Variants in KCTD16 observed in about 807,000 individuals in gnomAD.
KCTD16 encodes the protein BTB/POZ domain-containing protein KCTD16.
KCTD16 carries 13 observed loss-of-function variants against 33.2 expected under a neutral mutation model. The ratio of observed to expected loss-of-function variants is 0.39; its 90% CI spans 0.25 to 0.62. The LOEUF (loss-of-function observed/expected upper bound fraction) is 0.62. KCTD16 is among the 20% of genes least tolerant of loss of function. KCTD16 has a pLI of 0.50. For missense variants in KCTD16, 441 were observed against 525.1 expected, an observed-to-expected ratio of 0.84 and a Z score of 1.57; for synonymous variants, 197 against 195.3, an observed-to-expected ratio of 1.01 and a Z score of -0.07.
At chr5:144,340,867 TG>T (rs200473736) in intron 3 of KCTD16, among the ~76,000 whole-genome samples, 1,558 of 151,902 alleles carry the variant, frequency 0.01, 24 homozygotes, top group African/African-American at 0.034. Flanking sequence ...CTGACCAACA[TG>T]GTGAAACCCC....
rs1229848703 is a variant in KCTD16, at chr5:144,207,538, T to C, written c.824T>C (p.Val275Ala). Residue 275 changes from valine to alanine, a missense_variant, in exon 3 of 4, where the codon GTC becomes GCC. Physicochemically the swap from Val to Ala is moderately conservative, Grantham distance 64 (BLOSUM62 0). This residue lies in a region of KCTD16 where 355 missense variants were observed against 413.0 expected (regional missense o/e 0.86). Coordinates refer to ENST00000512467, the MANE Select transcript of KCTD16 (RefSeq NM_020768.4). ...ATCTGGTCAAGCTACACTGAATATG[T>C]CTTCTACCGTAAGTACAAAGGGTTG... ...DKIWSSYTEYVFYREPSRWSP... is the reference protein window; with the variant it reads ...DKIWSSYTEYAFYREPSRWSP... 1.2e-6 allele frequency: 2 copies of C among 1,608,582 alleles called. No homozygotes were observed. The highest frequency in any genetic ancestry group is 4.5e-5 in the East Asian group (2 of 44,820).
intron 3 of KCTD16, among the ~76,000 whole-genome samples, chr5:144,366,653 C>A (rs933308143): frequency 2.0e-5 from 3 of 152,048 alleles, no homozygotes; most frequent in Admixed American, 6.6e-5. Flanking sequence ...AAGCATAATC[C>A]CTGGGGTCTG....
chr5:144,234,365 T>TA (rs1561538187), intron 3 of KCTD16, among the ~76,000 whole-genome samples: 1 of 152,154 alleles, frequency 6.6e-6, no homozygotes, highest in African/African-American at 2.4e-5. Context: ...TCACACATTT[T>TA]AAAAAATTCA....
chr5:144,247,847 A>G (rs1183578667), intron 3 of KCTD16, among the ~76,000 whole-genome samples: 1 of 152,102 alleles, frequency 6.6e-6, no homozygotes, highest in Non-Finnish European at 1.5e-5. Context: ...CTCTCTCAGG[A>G]CTTCCTCCTA....
At chr5:144,392,780 T>C (rs1752479068) in intron 3 of KCTD16, among the ~76,000 whole-genome samples, 1 of 152,198 alleles carries the variant, frequency 6.6e-6, no homozygotes, top group African/African-American at 2.4e-5. Flanking sequence ...AAATGAGTGA[T>C]TTGCTGTGTT....
chr5:144,278,707 C>G (rs1755512571), intron 3 of KCTD16, among the ~76,000 whole-genome samples: 1 of 151,748 alleles, frequency 6.6e-6, no homozygotes, highest in South Asian at 2.1e-4. Context: ...CCTTGTTAGC[C>G]AGGATGGTCT....
chr5:144,398,078 C>T (rs1273698841), intron 3 of KCTD16, among the ~76,000 whole-genome samples: 2 of 152,110 alleles, frequency 1.3e-5, no homozygotes, highest in African/African-American at 4.8e-5. Context: ...ACAATGAGAG[C>T]ATGGATTGAT....
At chr5:144,341,762 G>A (rs1157719712) in intron 3 of KCTD16, among the ~76,000 whole-genome samples, 1 of 152,226 alleles carries the variant, frequency 6.6e-6, no homozygotes, top group Non-Finnish European at 1.5e-5. Context: ...GGGGATCAAG[G>A]CACTTTCAAT....
intron 2 of KCTD16, among the ~76,000 whole-genome samples, chr5:144,199,726 T>TTTTG (rs1671756153): frequency 6.9e-6 from 1 of 144,118 alleles, no homozygotes; most frequent in African/African-American, 2.6e-5. Flanking sequence ...TTTTTTTTTT[T>TTTTG]TTTTTTTTTG....
At chr5:144,173,667 T>C (rs1752440593) in intron 1 of KCTD16, among the ~76,000 whole-genome samples, 2 of 152,206 alleles carry the variant, frequency 1.3e-5, no homozygotes, top group Non-Finnish European at 1.5e-5. Flanking sequence ...GATATAGATA[T>C]TATTCAAATT....
chr5:144,301,641 C>T (rs1385135741), intron 3 of KCTD16, among the ~76,000 whole-genome samples: 1 of 152,158 alleles, frequency 6.6e-6, no homozygotes, highest in African/African-American at 2.4e-5. Context: ...AATGCCGTCT[C>T]GACATAGTGA....
chr5:144,372,393 T>C (rs1211873130), intron 3 of KCTD16, among the ~76,000 whole-genome samples: 1 of 152,202 alleles, frequency 6.6e-6, no homozygotes, highest in Non-Finnish European at 1.5e-5. Context: ...TTTATGCCAG[T>C]CACTGTACGA....
chr5:144,279,416 T>A (rs1717688160), intron 3 of KCTD16, among the ~76,000 whole-genome samples: 1 of 152,238 alleles, frequency 6.6e-6, no homozygotes, highest in Admixed American at 6.5e-5. Flanking sequence ...TGGCTGTTAA[T>A]TATAATAGTA....
chr5:144,274,055 A>G (rs561815878), intron 3 of KCTD16, among the ~76,000 whole-genome samples: 5 of 151,124 alleles, frequency 3.3e-5, no homozygotes, highest in African/African-American at 1.2e-4. Context: ...AAAATAGAAA[A>G]AAAATCCACT....
chr5:144,447,950 G>A (rs578153958), intron 3 of KCTD16, among the ~76,000 whole-genome samples: 51 of 152,116 alleles, frequency 3.4e-4, no homozygotes, highest in African/African-American at 1.1e-3. Context: ...GTGAGACCAA[G>A]CATCAGTATT....
chr5:144,241,222 A>G (rs1259792894), intron 3 of KCTD16, among the ~76,000 whole-genome samples: 3 of 152,178 alleles, frequency 2.0e-5, no homozygotes, highest in Admixed American at 1.3e-4. Flanking sequence ...GCACTACGTG[A>G]GTAAAAAACA....
At chr5:144,412,121 C>CA (rs1393756442) in intron 3 of KCTD16, among the ~76,000 whole-genome samples, 1 of 152,056 alleles carries the variant, frequency 6.6e-6, no homozygotes, top group Non-Finnish European at 1.5e-5. Context: ...AACATTTCCT[C>CA]AAAAAACTAA....
At chr5:144,404,171 G>A (rs1414145749) in intron 3 of KCTD16, among the ~76,000 whole-genome samples, 1 of 152,186 alleles carries the variant, frequency 6.6e-6, no homozygotes, top group African/African-American at 2.4e-5. Flanking sequence ...AAAAGAGTAA[G>A]AGGATGGAAG....
chr5:144,177,144 C>A (rs1307006835), intron 2 of KCTD16, among the ~76,000 whole-genome samples: 1 of 151,792 alleles, frequency 6.6e-6, no homozygotes, highest in Non-Finnish European at 1.5e-5. Flanking sequence ...GGGTTTTCTT[C>A]CAGAATTAAA....
Sources: allele counts gnomAD v4.1 joint callset (sites outside exome capture counted in the v4.1 genomes callset), GRCh38; gene constraint gnomAD v4.1.1; regional missense constraint gnomAD v4.1.1; transcripts MANE v1.5; gene names NCBI Gene and HGNC (gene_info 2026-07-23, HGNC 2026-07-21).